Variants in RNF213 observed in about 807,000 individuals in gnomAD.
RNF213 encodes the protein ring finger protein 213, also known as E3 ubiquitin-protein ligase RNF213.
In RNF213, 341 loss-of-function variants were observed where a neutral mutation model predicts 514.4. The ratio of observed to expected loss-of-function variants is 0.66; its 90% CI spans 0.61 to 0.73. The LOEUF (loss-of-function observed/expected upper bound fraction) is 0.73. Ranked by LOEUF, RNF213 falls within the 30% of genes least tolerant of loss-of-function variation. RNF213 has a pLI of 0.00. For missense variants in RNF213, 5,767 were observed against 6,615.6 expected, an observed-to-expected ratio of 0.87 and a Z score of 4.45; for synonymous variants, 2,655 against 2,658.2, an observed-to-expected ratio of 1.00 and a Z score of 0.04.
chr17:80,388,831 C>G (rs1239416102), intron 64 of RNF213, 142 bp downstream of exon 64: 1 of 742,960 alleles, frequency 1.3e-6, no homozygotes. Flanking sequence ...AGAGAGCAAG[C>G]AAGACAGCAA....
rs116468411 is a variant in RNF213, at chr17:80,346,768, G to A, written c.8433G>A (p.Pro2811=). ...QVHLVSFQCS[P]HSTPQGIIST... ...ACCTGGTGTCCTTCCAGTGCAGCCC[G>A]CACTCCACCCCACAGGGCATCATCA... The change falls in exon 29 of 68, where the codon CCG becomes CCA. Residue 2811 remains proline, a synonymous_variant. Coordinates refer to ENST00000582970, the MANE Select transcript of RNF213 (RefSeq NM_001256071.3). The surrounding 1 kb of genome is among the most constrained non-coding windows in gnomAD (Gnocchi z 8.1). The A allele has an allele frequency of 6.3e-5, 102 of 1,613,508 alleles. No homozygotes were observed. The highest frequency in any genetic ancestry group is 4.4e-4 in the African/African-American group (33 of 75,012).
At position 80,291,754 on chromosome 17, in the gene RNF213, C is replaced by T. The variant is rs1334109000; in HGVS notation, c.1398C>T (p.Tyr466=). The change falls in exon 8 of 68, where the codon TAC becomes TAT. Residue 466 remains tyrosine, a synonymous_variant. Transcript: ENST00000582970. The part of the protein sequence containing the change: ...NGESFEYEFI[Y]KHQQKKGEYV... ...AATCTTTTGAGTATGAGTTCATTTA[C>T]AAGCACCAGCAGAAGAAGGGCGAGT... is the stretch of plus-strand genomic sequence containing the variant. 6.2e-7 allele frequency: 1 copy of T among 1,614,178 alleles called. No individual in the cohort carries two copies. Among genetic ancestry groups the T allele is most frequent in the Middle Eastern group, 1.6e-4 (1 of 6,062 alleles).
intron 55 of RNF213, 34 bp downstream of exon 55, chr17:80,379,748 C>A: frequency 1.9e-6 from 3 of 1,577,960 alleles, no homozygotes; most frequent in South Asian, 2.2e-5. Flanking sequence ...CCTAAGTACT[C>A]AAACTTTGGG....
intron 2 of RNF213, among the ~76,000 whole-genome samples, chr17:80,272,026 TG>T (rs2043841417): frequency 6.6e-6 from 1 of 151,346 alleles, no homozygotes; most frequent in Non-Finnish European, 1.5e-5. Context: ...GGCTCACACC[TG>T]TAATCCCAGC....
rs754574537 is a variant in RNF213, at chr17:80,346,541, G to A, written c.8206G>A (p.Val2736Ile). Residue 2736 changes from valine to isoleucine, a missense_variant, in exon 29 of 68, where the codon GTA becomes ATA. Physicochemically the swap from Val to Ile is conservative, Grantham distance 29. This residue lies in a region of RNF213 where 1,377 missense variants were observed against 1,635.2 expected (regional missense o/e 0.84). Coordinates refer to ENST00000582970, the MANE Select transcript of RNF213 (RefSeq NM_001256071.3). This position sits in a 1 kb window ranked among gnomAD's most constrained non-coding sequence, Gnocchi z 8.1. ...GGCACAGGATCTTTTTCTGGACGGC[G>A]TACCTCTGAGGAAAACCATCGCCAA... ...TRAQDLFLDG[V>I]PLRKTIAKNL... 2.4e-5 allele frequency: 39 copies of A among 1,613,274 alleles called. No homozygotes were observed. The highest frequency in any genetic ancestry group is 2.3e-4 in the South Asian group (21 of 91,082).
chr17:80,371,767 TAC>T (rs111992928), intron 46 of RNF213, 105 bp from the exon 47 acceptor site: 1,606 of 646,266 alleles, frequency 2.5e-3, no homozygotes, highest in Admixed American at 3.5e-3. Context: ...TATATGTTTA[TAC>T]ACACACACAC....
chr17:80,332,130 C>T lies in RNF213; in HGVS notation c.3642C>T (p.Ser1214=), dbSNP rs958305066. The T allele has an allele frequency of 5.5e-5, 84 of 1,537,120 alleles. No individual in the cohort carries two copies. Among genetic ancestry groups the T allele is most frequent in the Non-Finnish European group, 7.2e-5 (83 of 1,146,928 alleles). ...AGAGGGCAACGCATTACCACCTGAG[C>T]TCCCAGGTCCAAGAAATGGCTGGGA... The part of the protein sequence containing the change: ...NSQRATHYHL[S]SQVQEMAGKI... The change falls in exon 21 of 68, where the codon AGC becomes AGT. Residue 1214 remains serine (S), a synonymous_variant. Transcript: ENST00000582970.
At chr17:80,313,793 G>C (rs2045683761) in intron 15 of RNF213, among the ~76,000 whole-genome samples, 1 of 141,218 alleles carries the variant, frequency 7.1e-6, no homozygotes, top group Non-Finnish European at 1.6e-5. Flanking sequence ...TGGTGGTGAA[G>C]GTGATGGTGG....
At chr17:80,291,895 C>T (rs898959299) in intron 8 of RNF213, 68 bp downstream of exon 8, 19 of 1,542,178 alleles carry the variant, frequency 1.2e-5, no homozygotes, top group African/African-American at 9.5e-5. Flanking sequence ...CGGTACTGGA[C>T]GCGTCTCTCT....
rs778550596 is a variant in RNF213, at chr17:80,290,485, A to G, written c.1113-85A>G. 32 of 1,523,536 alleles carry G rather than the reference A, an allele frequency of 2.1e-5. No individual in the cohort carries two copies. In the African/African-American group the frequency reaches 2.5e-4, roughly 12 times the overall value. 94.4% of individuals were successfully genotyped at this position (1,523,536 alleles called of 1,614,324 possible). On this transcript the variant is annotated intron_variant, in intron 6 of 67. Transcript: ENST00000582970. ...TGTGTGTGTGCACGTGTGTGTGCGC[A>G]CGTGTGTGTGTGCGCGTGTGTGCAT...
intron 56 of RNF213, 81 bp from the exon 57 acceptor site, chr17:80,381,466 C>T: frequency 4.1e-6 from 6 of 1,446,122 alleles, no homozygotes; most frequent in Non-Finnish European, 5.8e-6. Flanking sequence ...TGGTGCTCCA[C>T]TCCCAATGGC....
intron 57 of RNF213, chr17:80,382,639 G>A: frequency 2.9e-6 from 1 of 347,732 alleles, no homozygotes; most frequent in Non-Finnish European, 5.5e-6. Flanking sequence ...TGTGTGGTCT[G>A]CCTCAGGGTT....
intron 3 of RNF213, among the ~76,000 whole-genome samples, chr17:80,277,356 G>A (rs182173342): frequency 1.3e-5 from 2 of 152,164 alleles, no homozygotes; most frequent in Admixed American, 1.3e-4. Context: ...CCAGCACATT[G>A]GGAGGCTGAG....
At position 80,383,606 on chromosome 17, in the gene RNF213, T is replaced by A. The variant is rs2080110190; in HGVS notation, c.14071-71T>A. ...ATATGCAGACACCCACTGGTGGAGTTACTGGGTGTTACAATCTGTTTGTAG... is the reference window on the plus strand; with the variant it reads ...ATATGCAGACACCCACTGGTGGAGTAACTGGGTGTTACAATCTGTTTGTAG... On this transcript the variant is annotated intron_variant, in intron 58 of 67. Transcript: ENST00000582970. The A allele has an allele frequency of 9.3e-6, 14 of 1,500,090 alleles. No individual in the cohort carries two copies. In the Admixed American group the frequency reaches 2.2e-4, roughly 23 times the overall value. The allele number at this position is 1,500,090 out of a possible 1,614,324, so 92.9% of individuals were successfully genotyped here. A position where few individuals can be genotyped will look rare whatever the true frequency, so the allele number is the denominator to read the frequency against.
intron 61 of RNF213, among the ~76,000 whole-genome samples, 194 bp downstream of exon 61, chr17:80,385,815 G>A (rs566973289): frequency 7.9e-5 from 12 of 152,200 alleles, no homozygotes; most frequent in African/African-American, 2.2e-4. Context: ...TCTGCCTCCC[G>A]GATTCAAGCA....
At chr17:80,378,417 G>A (rs2079849365) in intron 54 of RNF213, among the ~76,000 whole-genome samples, 1 of 152,226 alleles carries the variant, frequency 6.6e-6, no homozygotes, top group South Asian at 2.1e-4. Context: ...CTGAGCAAGA[G>A]GCTGGTGGGT....
chr17:80,357,931 C>T (rs906559033), intron 36 of RNF213, among the ~76,000 whole-genome samples: 32 of 152,272 alleles, frequency 2.1e-4, no homozygotes, highest in East Asian at 3.9e-4. Context: ...CAGGTTATGA[C>T]GATCTATGAT....
In RNF213 at chr17:80,315,835, ATGGTGG is replaced by A. The variant is rs2045920296; in HGVS notation, c.2812-1337_2812-1332del. ...GGTGGTGGTGGTGGTGGTGATGGTG[ATGGTGG>A]TGGTGGTGGTGGTGGAGGTGATGGT... On this transcript the variant is annotated intron_variant, in intron 15 of 67. Transcript: ENST00000582970. The A allele has an allele frequency of 4.6e-4, 9 of 19,370 alleles. 1 individual carries two copies. The highest frequency in any genetic ancestry group is 5.3e-4 in the African/African-American group (3 of 5,650). 1.2% of individuals were successfully genotyped at this position (19,370 alleles called of 1,614,324 possible).
chr17:80,295,435 C>A, intron 9 of RNF213, 122 bp from the exon 10 acceptor site: 2 of 1,260,022 alleles, frequency 1.6e-6, no homozygotes, highest in Non-Finnish European at 2.3e-6. Flanking sequence ...GTGGCTCTCA[C>A]AGGTGTGGTG....
Sources: allele counts gnomAD v4.1 joint callset (sites outside exome capture counted in the v4.1 genomes callset), GRCh38; gene constraint gnomAD v4.1.1; regional missense constraint gnomAD v4.1.1; non-coding constraint Gnocchi (gnomAD v3.1); transcripts MANE v1.5; gene names NCBI Gene and HGNC (gene_info 2026-07-23, HGNC 2026-07-21).